SNCAIP: variants seen among roughly 807,000 people sequenced by gnomAD.
The protein encoded by SNCAIP is synphilin-1.
Under a neutral mutation model 86.7 loss-of-function variants are expected in SNCAIP, and 43 were observed. The observed-to-expected ratio is 0.50, with a 90% CI of 0.39 to 0.64. SNCAIP has a LOEUF of 0.64. Among genes scored for constraint, SNCAIP ranks in the 30% least tolerant of loss-of-function variants. SNCAIP has a pLI of 0.00. For missense variants in SNCAIP, 981 were observed against 1,103.1 expected (o/e 0.89, Z 1.57); for synonymous variants, 417 against 427.2 (o/e 0.98, Z 0.29).
intron 3 of SNCAIP, among the ~76,000 whole-genome samples, chr5:122,407,788 A>C (rs1018668695): frequency 1.3e-5 from 2 of 152,222 alleles, no homozygotes; most frequent in African/African-American, 4.8e-5. Flanking sequence ...AAGAAAAAAA[A>C]TAGTCCAAAG....
chr5:122,329,129 G>A (rs1251692277), intron 1 of SNCAIP, among the ~76,000 whole-genome samples: 2 of 152,122 alleles, frequency 1.3e-5, no homozygotes, highest in Admixed American at 6.5e-5. Flanking sequence ...TTCATGTCTG[G>A]CACAGAATTA....
chr5:122,406,572 T>A (rs1773048515), intron 3 of SNCAIP, among the ~76,000 whole-genome samples: 1 of 152,176 alleles, frequency 6.6e-6, no homozygotes, highest in Non-Finnish European at 1.5e-5. Flanking sequence ...ATGAATGGTT[T>A]AGCGCCATCT....
intron 1 of SNCAIP, among the ~76,000 whole-genome samples, chr5:122,359,957 A>T (rs1171575780): frequency 6.6e-6 from 1 of 152,138 alleles, no homozygotes; most frequent in Non-Finnish European, 1.5e-5. Context: ...CTCCAGAGAG[A>T]ATCTCATGCT....
intron 8 of SNCAIP, among the ~76,000 whole-genome samples, chr5:122,449,598 G>A (rs1490984607): frequency 3.3e-5 from 5 of 152,014 alleles, no homozygotes; most frequent in African/African-American, 1.2e-4. Context: ...TGTTCACTGA[G>A]ACTTACTGCT....
intron 2 of SNCAIP, among the ~76,000 whole-genome samples, chr5:122,393,560 C>T (rs1769899189): frequency 6.6e-6 from 1 of 152,116 alleles, no homozygotes; most frequent in African/African-American, 2.4e-5. Flanking sequence ...CCCACCCCTA[C>T]CCCAGAAACA....
At chr5:122,325,574 A>C (rs1350373457) in intron 1 of SNCAIP, among the ~76,000 whole-genome samples, 1 of 152,160 alleles carries the variant, frequency 6.6e-6, no homozygotes, top group African/African-American at 2.4e-5. Flanking sequence ...TTTACTAAAC[A>C]ACTCTCAAAT....
chr5:122,439,067 A>G (rs1237518849), intron 6 of SNCAIP, among the ~76,000 whole-genome samples: 5 of 152,342 alleles, frequency 3.3e-5, no homozygotes, highest in African/African-American at 9.6e-5. Context: ...TCTATGTCCA[A>G]TTAAAAGTAA....
intron 10 of SNCAIP, among the ~76,000 whole-genome samples, chr5:122,456,170 C>T (rs1430721213): frequency 6.6e-6 from 1 of 152,198 alleles, no homozygotes; most frequent in Non-Finnish European, 1.5e-5. Flanking sequence ...AACGCCTAAT[C>T]CTAGCACCAG....
At chr5:122,384,960 A>C (rs1241770748) in intron 1 of SNCAIP, among the ~76,000 whole-genome samples, 1 of 152,204 alleles carries the variant, frequency 6.6e-6, no homozygotes, top group Non-Finnish European at 1.5e-5. Flanking sequence ...CTTTCTGGAC[A>C]TTCTGTTCCA....
intron 1 of SNCAIP, among the ~76,000 whole-genome samples, chr5:122,328,502 C>T (rs1420435454): frequency 6.6e-6 from 1 of 152,214 alleles, no homozygotes; most frequent in Non-Finnish European, 1.5e-5. Context: ...TCTAAACACT[C>T]AACAATTCTT....
At chr5:122,360,679 C>T (rs967079052) in intron 1 of SNCAIP, among the ~76,000 whole-genome samples, 3 of 152,140 alleles carry the variant, frequency 2.0e-5, no homozygotes, top group Non-Finnish European at 4.4e-5. Context: ...CCACCTGGCA[C>T]AGGGTAGTTG....
At position 122,356,095 on chromosome 5, in the gene SNCAIP, CTT is replaced by C. The variant is rs757246404; in HGVS notation, c.-46-34973_-46-34972del. On this transcript the variant is annotated intron_variant, in intron 1 of 10. Transcript: ENST00000261368. ...TATAATGTTGCAAGAGTTAGCCTTT[CTT>C]TTTTTTTTTTTTTTTTTTTTGAGAC... Among the ~76,000 whole-genome samples the C allele has an allele frequency of 5.3e-3, 542 of 102,742 alleles. 5 individuals carry two copies. Among genetic ancestry groups the C allele is most frequent in the African/African-American group, 0.019 (508 of 26,832 alleles). The allele number at this position is 102,742 out of a possible 152,430, so 67.4% of individuals were successfully genotyped here. A position where few individuals can be genotyped will look rare whatever the true frequency, so the allele number is the denominator to read the frequency against.
In SNCAIP at chr5:122,416,645, C is replaced by T. The variant is rs72789036; in HGVS notation, c.131-6223C>T. On this transcript the variant is annotated intron_variant, in intron 3 of 10. Transcript: ENST00000261368. Reference sequence around the variant, plus strand: ...AGTCGTCCTCACTCAGACTCCATGCCTTCTTCCTACTGTCAGAACATGGGA... The same window carrying T: ...AGTCGTCCTCACTCAGACTCCATGCTTTCTTCCTACTGTCAGAACATGGGA... 5.1e-3 allele frequency among the ~76,000 whole-genome samples: 780 copies of T among 152,294 alleles called. 4 individuals carry two copies. The highest frequency in any genetic ancestry group is 0.01 in the Middle Eastern group (3 of 294).
chr5:122,396,975 A>T (rs1770751702), intron 2 of SNCAIP, among the ~76,000 whole-genome samples: 1 of 152,148 alleles, frequency 6.6e-6, no homozygotes, highest in Admixed American at 6.5e-5. Context: ...TTTTAAATAT[A>T]AATAATAATA....
chr5:122,440,410 G>A, intron 6 of SNCAIP: 1 of 550,372 alleles, frequency 1.8e-6, no homozygotes, highest in Non-Finnish European at 3.2e-6. Context: ...CGCTTCCAAG[G>A]GAGCTTCCTG....
At chr5:122,448,932 C>T (rs1054187043) in intron 8 of SNCAIP, among the ~76,000 whole-genome samples, 4 of 149,928 alleles carry the variant, frequency 2.7e-5, no homozygotes, top group Non-Finnish European at 4.4e-5. Flanking sequence ...AGGAGAATGG[C>T]GTGAACCCGG....
chr5:122,453,275 A>G (rs115711377), intron 10 of SNCAIP, among the ~76,000 whole-genome samples: 190 of 152,266 alleles, frequency 1.2e-3, no homozygotes, highest in African/African-American at 4.5e-3. Flanking sequence ...TTAGCTTTCA[A>G]TCTTTGTTTT....
chr5:122,319,468 A>T (rs562178318), intron 1 of SNCAIP, among the ~76,000 whole-genome samples: 1 of 152,344 alleles, frequency 6.6e-6, no homozygotes, highest in African/African-American at 2.4e-5. Context: ...TATTCCATAG[A>T]TAAATAGAAG....
Position 122,422,958 on chromosome 5 carries a change from G to A in SNCAIP, c.221G>A (p.Arg74His), listed in dbSNP as rs1776689892. 2.5e-6 allele frequency: 4 copies of A among 1,613,966 alleles called. No homozygotes were observed. Among genetic ancestry groups the A allele is most frequent in the African/African-American group, 1.3e-5 (1 of 74,910 alleles). Residue 74 changes from arginine to histidine, a missense_variant, in exon 4 of 11, where the codon CGC becomes CAC. Physicochemically the swap from Arg to His is conservative, Grantham distance 29. Transcript: ENST00000261368. ...TGIADVYSKF[R>H]PVKRVSPLKH... ...ATCGCTGATGTGTACAGTAAGTTCC[G>A]CCCAGTGAAGCGGGTTTCGCCACTG...
Sources: allele counts gnomAD v4.1 joint callset (sites outside exome capture counted in the v4.1 genomes callset), GRCh38; gene constraint gnomAD v4.1.1; transcripts MANE v1.5; gene names NCBI Gene and HGNC (gene_info 2026-07-23, HGNC 2026-07-21).